The following PPP3CA variants were observed in gnomAD, a reference collection of about 807,000 sequenced individuals.
PPP3CA encodes CAM-PRP catalytic subunit.
PPP3CA carries 14 observed loss-of-function variants against 66.5 expected under a neutral mutation model. That is an observed-to-expected ratio of 0.21 (90% confidence interval 0.14 to 0.33). The LOEUF (loss-of-function observed/expected upper bound fraction) is 0.33, where lower values mean the gene tolerates loss of function less well. Among genes scored for constraint, PPP3CA ranks in the 10% least tolerant of loss-of-function variants. The probability of loss-of-function intolerance (pLI) is 1.00; values close to 1 mark genes in which losing one functional copy is unlikely to be tolerated. For missense variants in PPP3CA, 317 were observed against 639.5 expected (o/e 0.50, Z 5.44); for synonymous variants, 232 against 226.2 (o/e 1.03, Z -0.23).
intron 1 of PPP3CA, among the ~76,000 whole-genome samples, chr4:101,270,219 G>C (rs150195705): frequency 6.6e-5 from 10 of 152,208 alleles, no homozygotes; most frequent in African/African-American, 2.4e-4. Context: ...TGCATAAAAA[G>C]GAAGTATCTG....
intron 10 of PPP3CA, among the ~76,000 whole-genome samples, chr4:101,041,840 C>T (rs1008479494): frequency 6.6e-6 from 1 of 152,134 alleles, no homozygotes; most frequent in Non-Finnish European, 1.5e-5. Context: ...TCTACTGCCT[C>T]TAATAGATAT....
At chr4:101,276,811 T>TTA (rs1319948323) in intron 1 of PPP3CA, among the ~76,000 whole-genome samples, 1 of 152,200 alleles carries the variant, frequency 6.6e-6, no homozygotes, top group Non-Finnish European at 1.5e-5. Flanking sequence ...GTTTCCCCTA[T>TTA]GTTAACATCT....
At chr4:101,044,335 A>G (rs1197849065) in intron 10 of PPP3CA, among the ~76,000 whole-genome samples, 2 of 152,226 alleles carry the variant, frequency 1.3e-5, no homozygotes, top group African/African-American at 4.8e-5. Flanking sequence ...CATGTTTTTC[A>G]GAATTTTACT....
intron 2 of PPP3CA, among the ~76,000 whole-genome samples, chr4:101,193,031 A>C (rs927369608): frequency 6.6e-6 from 1 of 152,254 alleles, no homozygotes; most frequent in African/African-American, 2.4e-5. Flanking sequence ...TTGGTTTTAA[A>C]TTAGCTATAT....
intron 1 of PPP3CA, among the ~76,000 whole-genome samples, chr4:101,218,209 T>C (rs1017118405): frequency 6.6e-6 from 1 of 151,932 alleles, no homozygotes; most frequent in Non-Finnish European, 1.5e-5. Flanking sequence ...AGTTATTAAA[T>C]GGAGCTATGA....
At chr4:101,276,154 C>G (rs1470199029) in intron 1 of PPP3CA, among the ~76,000 whole-genome samples, 1 of 152,070 alleles carries the variant, frequency 6.6e-6, no homozygotes, top group Non-Finnish European at 1.5e-5. Context: ...CTCAGCTTCC[C>G]AGAGCACTAG....
At chr4:101,284,814 A>G (rs926496323) in intron 1 of PPP3CA, among the ~76,000 whole-genome samples, 1 of 152,112 alleles carries the variant, frequency 6.6e-6, no homozygotes, top group Non-Finnish European at 1.5e-5. Context: ...TTTATTTTTC[A>G]CTAGAACCTT....
rs983466069 is a variant in PPP3CA at position 101,300,707 on chromosome 4, G to A, written c.58+46032C>T. On this transcript the variant is annotated intron_variant, in intron 1 of 13. Coordinates refer to ENST00000394854, the MANE Select transcript of PPP3CA (RefSeq NM_000944.5). ...AGCTGCTCGAGAAGCTGGGGCACAA[G>A]AATCGCTCTGCCGGGAGGCAGAGGT... 5.3e-5 allele frequency among the ~76,000 whole-genome samples: 8 copies of A among 152,268 alleles called. No homozygotes were observed. In the East Asian group the frequency reaches 1.4e-3, roughly 26 times the overall value.
chr4:101,245,618 G>C (rs1726452229), intron 1 of PPP3CA, among the ~76,000 whole-genome samples: 1 of 151,976 alleles, frequency 6.6e-6, no homozygotes, highest in Non-Finnish European at 1.5e-5. Flanking sequence ...TTTATCTCTA[G>C]AAGATTTATC....
chr4:101,079,196 T>C (rs1729325217), intron 8 of PPP3CA, among the ~76,000 whole-genome samples: 1 of 152,198 alleles, frequency 6.6e-6, no homozygotes. Context: ...ATATTAGGCA[T>C]CCTGGACACC....
chr4:101,116,179 T>C (rs1311450953), intron 2 of PPP3CA, among the ~76,000 whole-genome samples: 1 of 151,970 alleles, frequency 6.6e-6, no homozygotes, highest in African/African-American at 2.4e-5. Context: ...CAGTTCATAC[T>C]AAACTAACAG....
At chr4:101,070,689 A>G (rs566278065) in intron 8 of PPP3CA, among the ~76,000 whole-genome samples, 116 of 152,348 alleles carry the variant, frequency 7.6e-4, no homozygotes, top group Middle Eastern at 6.8e-3. Flanking sequence ...GAAATGTATT[A>G]TAAGTCTGTT....
intron 8 of PPP3CA, among the ~76,000 whole-genome samples, chr4:101,065,568 G>C (rs1459572222): frequency 6.6e-6 from 1 of 152,110 alleles, no homozygotes; most frequent in African/African-American, 2.4e-5. Context: ...TTGTGGTTGA[G>C]AAATGGAGAA....
At chr4:101,135,883 C>T (rs908558127) in intron 2 of PPP3CA, among the ~76,000 whole-genome samples, 1 of 151,840 alleles carries the variant, frequency 6.6e-6, no homozygotes, top group African/African-American at 2.4e-5. Flanking sequence ...TTTGGGTAAA[C>T]AGCTTGAACT....
chr4:101,289,326 C>T (rs1473455865), intron 1 of PPP3CA, among the ~76,000 whole-genome samples: 1 of 152,178 alleles, frequency 6.6e-6, no homozygotes, highest in Non-Finnish European at 1.5e-5. Flanking sequence ...CCACATGCTC[C>T]ACATATTTGT....
chr4:101,083,139 G>A (rs2110240803), intron 7 of PPP3CA, 47 bp downstream of exon 7: 2 of 1,343,168 alleles, frequency 1.5e-6, no homozygotes. Flanking sequence ...AGGAAGTTCT[G>A]GAAAATGGAC....
At chr4:101,027,399 G>T (rs963687896) in intron 13 of PPP3CA, among the ~76,000 whole-genome samples, 3 of 152,144 alleles carry the variant, frequency 2.0e-5, no homozygotes, top group Admixed American at 6.5e-5. Context: ...TAAAAGATGA[G>T]AAATAGTTTT....
rs191045375 is a variant in PPP3CA at position 101,316,367 on chromosome 4, C to T, written c.58+30372G>A. 3.4e-3 allele frequency among the ~76,000 whole-genome samples: 452 copies of T among 134,894 alleles called. 4 individuals are homozygous for T. Among genetic ancestry groups the T allele is most frequent in the African/African-American group, 0.017 (429 of 25,432 alleles). The allele number at this position is 134,894 out of a possible 152,430, so 88.5% of individuals were successfully genotyped here. A position where few individuals can be genotyped will look rare whatever the true frequency, so the allele number is the denominator to read the frequency against. ...GTTATTTCTTAGGGAGGCTATAATA[C>T]CCCATTGGAATCATCTCATTATAAG... is the stretch of plus-strand genomic sequence containing the variant. On this transcript the variant is annotated intron_variant, in intron 1 of 13. Coordinates refer to ENST00000394854, the MANE Select transcript of PPP3CA (RefSeq NM_000944.5).
chr4:101,104,995 CAT>C (rs1425121623), intron 3 of PPP3CA, among the ~76,000 whole-genome samples: 3 of 152,110 alleles, frequency 2.0e-5, no homozygotes, highest in Non-Finnish European at 4.4e-5. Flanking sequence ...TCCTACACTT[CAT>C]ATGTCACCAA....
Sources: allele counts gnomAD v4.1 joint callset (sites outside exome capture counted in the v4.1 genomes callset), GRCh38; gene constraint gnomAD v4.1.1; transcripts MANE v1.5; gene names NCBI Gene and HGNC (gene_info 2026-07-23, HGNC 2026-07-21).